The following KCND2 variants were observed in gnomAD, a reference collection of about 807,000 sequenced individuals.
KCND2 encodes the protein A-type voltage-gated potassium channel KCND2.
KCND2 carries 16 observed loss-of-function variants against 54.4 expected under a neutral mutation model. That is an observed-to-expected ratio of 0.29 (90% CI 0.20 to 0.45). The LOEUF (loss-of-function observed/expected upper bound fraction) is 0.45. Ranked by LOEUF, KCND2 falls within the 20% of genes least tolerant of loss-of-function variation. The probability of loss-of-function intolerance (pLI) is 1.00; values close to 1 mark genes in which losing one functional copy is unlikely to be tolerated. For synonymous variants in KCND2, 317 were observed against 310.7 expected, an observed-to-expected ratio of 1.02 and a Z score of -0.21; for missense variants, 486 against 824.2, an observed-to-expected ratio of 0.59 and a Z score of 5.02.
At chr7:120,343,665 C>A (rs1800273356) in intron 1 of KCND2, among the ~76,000 whole-genome samples, 1 of 152,118 alleles carries the variant, frequency 6.6e-6, no homozygotes, top group Admixed American at 6.6e-5. Context: ...ACTATCTTTT[C>A]AGTTATGTTA....
At chr7:120,714,337 A>C (rs1792576889) in intron 1 of KCND2, among the ~76,000 whole-genome samples, 1 of 152,104 alleles carries the variant, frequency 6.6e-6, no homozygotes, top group African/African-American at 2.4e-5. Context: ...TACTGCTTCT[A>C]TCTGATTGTG....
chr7:120,595,612 T>TAC (rs1554373408), intron 1 of KCND2, among the ~76,000 whole-genome samples: 1 of 142,538 alleles, frequency 7.0e-6, no homozygotes, highest in African/African-American at 2.6e-5. Flanking sequence ...TATATATATA[T>TAC]ACACCAGAAC....
chr7:120,498,805 A>G (rs1480412138), intron 1 of KCND2, among the ~76,000 whole-genome samples: 1 of 152,082 alleles, frequency 6.6e-6, no homozygotes, highest in Admixed American at 6.6e-5. Context: ...AAAATAAAAT[A>G]AAATAAAAGG....
At chr7:120,378,141 G>A (rs947851641) in intron 1 of KCND2, among the ~76,000 whole-genome samples, 2 of 151,814 alleles carry the variant, frequency 1.3e-5, no homozygotes, top group Non-Finnish European at 1.5e-5. Context: ...ATGTATATAC[G>A]TGTGTATTTG....
At chr7:120,295,545 T>C (rs2116284769) in intron 1 of KCND2, among the ~76,000 whole-genome samples, 1 of 152,068 alleles carries the variant, frequency 6.6e-6, no homozygotes, top group African/African-American at 2.4e-5. Flanking sequence ...TGGTAGATTC[T>C]GAATGAAGCA....
intron 1 of KCND2, among the ~76,000 whole-genome samples, chr7:120,508,645 C>G (rs1803064358): frequency 6.6e-6 from 1 of 151,900 alleles, no homozygotes; most frequent in Admixed American, 6.6e-5. Context: ...GAAAAAAGTG[C>G]AAATACCTCA....
intron 1 of KCND2, among the ~76,000 whole-genome samples, chr7:120,495,037 T>C (rs2116307384): frequency 6.6e-6 from 1 of 152,314 alleles, no homozygotes; most frequent in East Asian, 1.9e-4. Context: ...AAATTCAGCT[T>C]CTTTCTACTC....
chr7:120,275,818 C>G, intron 1 of KCND2, 71 bp downstream of exon 1: 1 of 1,485,676 alleles, frequency 6.7e-7, no homozygotes, highest in Non-Finnish European at 9.3e-7. Flanking sequence ...ATCGAGGTTA[C>G]ATGGTAACTC....
chr7:120,659,245 T>C (rs1791838607), intron 1 of KCND2, among the ~76,000 whole-genome samples: 1 of 152,176 alleles, frequency 6.6e-6, no homozygotes, highest in Non-Finnish European at 1.5e-5. Flanking sequence ...CAAAGTTATA[T>C]AGATGGCACG....
At chr7:120,518,682 A>G (rs1803234796) in intron 1 of KCND2, among the ~76,000 whole-genome samples, 1 of 152,174 alleles carries the variant, frequency 6.6e-6, no homozygotes, top group Admixed American at 6.6e-5. Flanking sequence ...AATATAAGCT[A>G]AAGAAATAGC....
At chr7:120,539,259 T>G (rs1791950669) in intron 1 of KCND2, among the ~76,000 whole-genome samples, 2 of 152,302 alleles carry the variant, frequency 1.3e-5, no homozygotes, top group African/African-American at 4.8e-5. Context: ...TTGTTTCAGT[T>G]GATTTGCATA....
intron 1 of KCND2, among the ~76,000 whole-genome samples, chr7:120,464,817 T>C (rs912989617): frequency 2.0e-5 from 3 of 152,154 alleles, no homozygotes; most frequent in African/African-American, 7.2e-5. Context: ...TGTATTCCCG[T>C]CCATCTTCAA....
chr7:120,420,146 C>T (rs1302636203), intron 1 of KCND2, among the ~76,000 whole-genome samples: 1 of 151,858 alleles, frequency 6.6e-6, no homozygotes, highest in Non-Finnish European at 1.5e-5. Context: ...ATGAGTACTA[C>T]ATGTGATTAA....
At chr7:120,284,329 C>T (rs908272336) in intron 1 of KCND2, among the ~76,000 whole-genome samples, 9 of 151,996 alleles carry the variant, frequency 5.9e-5, no homozygotes, top group Non-Finnish European at 1.0e-4. Flanking sequence ...TCCAACCATT[C>T]GCTGGTTTCC....
intron 1 of KCND2, among the ~76,000 whole-genome samples, chr7:120,479,798 A>C (rs76445276): frequency 0.09 from 6,517 of 72,290 alleles, 126 homozygotes; most frequent in African/African-American, 0.37. Flanking sequence ...CACACACACA[A>C]AAAAAAAAAA....
intron 1 of KCND2, among the ~76,000 whole-genome samples, chr7:120,439,181 G>A (rs977938298): frequency 2.0e-5 from 3 of 151,962 alleles, no homozygotes; most frequent in Non-Finnish European, 4.4e-5. Context: ...TATATTATAT[G>A]TTCCCTGTAA....
At chr7:120,462,788 A>G (rs1052572432) in intron 1 of KCND2, among the ~76,000 whole-genome samples, 2 of 151,970 alleles carry the variant, frequency 1.3e-5, no homozygotes, top group Non-Finnish European at 1.5e-5. Context: ...ATAAGAGATG[A>G]AAAAATAAAC....
At chr7:120,513,989 A>G (rs1803159745) in intron 1 of KCND2, among the ~76,000 whole-genome samples, 1 of 152,102 alleles carries the variant, frequency 6.6e-6, no homozygotes, top group African/African-American at 2.4e-5. Context: ...ATGAGCACTT[A>G]AGTGTGAATT....
At chr7:120,718,260 C>T (rs146665349) in intron 1 of KCND2, among the ~76,000 whole-genome samples, 31 of 152,258 alleles carry the variant, frequency 2.0e-4, no homozygotes, top group African/African-American at 6.3e-4. Flanking sequence ...AACAGCACAA[C>T]GCTTAACCTT....
Sources: allele counts gnomAD v4.1 joint callset (sites outside exome capture counted in the v4.1 genomes callset), GRCh38; gene constraint gnomAD v4.1.1; transcripts MANE v1.5; gene names NCBI Gene and HGNC (gene_info 2026-07-23, HGNC 2026-07-21).